Variants in RNGTT observed in about 807,000 individuals in gnomAD.
The protein encoded by RNGTT is RNA guanylyltransferase and 5'-phosphatase.
In RNGTT, 33 loss-of-function variants were observed where a neutral mutation model predicts 79.3. The observed-to-expected ratio is 0.42, with a 90% confidence interval of 0.32 to 0.56. The LOEUF is 0.56. Among genes scored for constraint, RNGTT ranks in the 20% least tolerant of loss-of-function variants. The pLI, the probability that RNGTT is intolerant of heterozygous loss-of-function variation, is 0.17. For missense variants in RNGTT, 497 were observed against 739.1 expected (o/e 0.67, Z 3.80); for synonymous variants, 222 against 235.9 (o/e 0.94, Z 0.54).
intron 8 of RNGTT, among the ~76,000 whole-genome samples, chr6:88,872,878 C>T (rs1782401562): frequency 6.6e-6 from 1 of 152,048 alleles, no homozygotes; most frequent in African/African-American, 2.4e-5. Flanking sequence ...AAGATCCAGA[C>T]CCAGAAACAT....
chr6:88,866,386 A>T (rs1782165297), intron 8 of RNGTT, among the ~76,000 whole-genome samples: 1 of 152,182 alleles, frequency 6.6e-6, no homozygotes, highest in South Asian at 2.1e-4. Context: ...CTAGATTCAC[A>T]GACAAGAGCA....
intron 13 of RNGTT, among the ~76,000 whole-genome samples, chr6:88,691,465 T>A (rs1434122403): frequency 6.6e-6 from 1 of 152,184 alleles, no homozygotes; most frequent in Non-Finnish European, 1.5e-5. Context: ...TATATTTATG[T>A]AAGGATCAAA....
At chr6:88,796,206 A>G (rs1198584562) in intron 12 of RNGTT, among the ~76,000 whole-genome samples, 2 of 152,220 alleles carry the variant, frequency 1.3e-5, no homozygotes, top group Non-Finnish European at 2.9e-5. Flanking sequence ...TATATTATTA[A>G]AATTAATTTT....
At chr6:88,672,579 T>C (rs1774696172) in intron 14 of RNGTT, among the ~76,000 whole-genome samples, 1 of 152,108 alleles carries the variant, frequency 6.6e-6, no homozygotes, top group Non-Finnish European at 1.5e-5. Flanking sequence ...GGGTGAGGGA[T>C]AAAAGACTAC....
At chr6:88,921,554 A>T (rs183788383) in intron 4 of RNGTT, among the ~76,000 whole-genome samples, 1 of 152,118 alleles carries the variant, frequency 6.6e-6, no homozygotes, top group African/African-American at 2.4e-5. Flanking sequence ...AGATGTTTTC[A>T]ATTTTTACCA....
rs144333047 is a variant in RNGTT, at chr6:88,787,096, T to C, written c.1338+14468A>G. The stretch of plus-strand genomic sequence containing the variant: ...ATAAGCCACTCGGTTTATGGTATTT[T>C]GTTACAGCACCCCAAACTGACTAAT... On this transcript the variant is annotated intron_variant, in intron 12 of 15. Transcript: ENST00000369485. 2.1e-3 allele frequency among the ~76,000 whole-genome samples: 313 copies of C among 152,354 alleles called. 2 individuals are homozygous for C. The highest frequency in any genetic ancestry group is 7.4e-3 in the African/African-American group (306 of 41,576).
intron 14 of RNGTT, among the ~76,000 whole-genome samples, chr6:88,645,392 T>C (rs6935250): frequency 0.14 from 21,324 of 152,058 alleles, 4,994 homozygotes; most frequent in African/African-American, 0.48. Flanking sequence ...TGCTCATGGG[T>C]AGGAAGAATC....
chr6:88,659,024 T>C (rs1435883804), intron 14 of RNGTT, among the ~76,000 whole-genome samples: 3 of 152,216 alleles, frequency 2.0e-5, no homozygotes, highest in Non-Finnish European at 2.9e-5. Flanking sequence ...GAGTCAATTC[T>C]CCTAATAAAC....
At chr6:88,866,751 G>A (rs1347845410) in intron 8 of RNGTT, among the ~76,000 whole-genome samples, 1 of 152,264 alleles carries the variant, frequency 6.6e-6, no homozygotes, top group East Asian at 1.9e-4. Flanking sequence ...ACATCTTAAA[G>A]ATTCAAATTG....
intron 8 of RNGTT, among the ~76,000 whole-genome samples, chr6:88,878,197 A>G (rs909527532): frequency 4.6e-5 from 7 of 151,716 alleles, no homozygotes; most frequent in Non-Finnish European, 1.0e-4. Flanking sequence ...CCGGGTCCAA[A>G]CGTTTCTCGT....
chr6:88,948,190 A>G (rs1582166474), intron 1 of RNGTT, among the ~76,000 whole-genome samples: 1 of 12,406 alleles, frequency 8.1e-5, no homozygotes, highest in Non-Finnish European at 1.5e-4. Flanking sequence ...GGGGGGGGTC[A>G]GCCCCCCCGC....
chr6:88,768,233 C>T (rs571032120), intron 13 of RNGTT, among the ~76,000 whole-genome samples: 15 of 151,872 alleles, frequency 9.9e-5, no homozygotes, highest in African/African-American at 3.6e-4. Flanking sequence ...CCTCAGCCTC[C>T]CAAGTAGCTG....
At chr6:88,664,896 C>A (rs977000880) in intron 14 of RNGTT, among the ~76,000 whole-genome samples, 8 of 152,062 alleles carry the variant, frequency 5.3e-5, no homozygotes, top group African/African-American at 1.9e-4. Flanking sequence ...ACCCCGGTCG[C>A]CCCCTTGTCT....
intron 11 of RNGTT, among the ~76,000 whole-genome samples, chr6:88,834,807 G>A (rs1781007797): frequency 6.6e-6 from 1 of 150,778 alleles, no homozygotes; most frequent in African/African-American, 2.5e-5. Context: ...AGAAAATAAA[G>A]AAAAGAAAAG....
intron 13 of RNGTT, among the ~76,000 whole-genome samples, chr6:88,696,426 A>C (rs1305772690): frequency 1.3e-5 from 2 of 152,166 alleles, no homozygotes; most frequent in African/African-American, 4.8e-5. Flanking sequence ...TCCCTACCTA[A>C]CTTGTTATCT....
intron 11 of RNGTT, among the ~76,000 whole-genome samples, chr6:88,820,457 G>A (rs1780461095): frequency 6.6e-6 from 1 of 152,064 alleles, no homozygotes; most frequent in African/African-American, 2.4e-5. Flanking sequence ...ACAAGTAAAA[G>A]GTATAAATAT....
At chr6:88,893,271 A>T (rs964895097) in intron 6 of RNGTT, among the ~76,000 whole-genome samples, 3 of 152,124 alleles carry the variant, frequency 2.0e-5, no homozygotes, top group Admixed American at 2.0e-4. Flanking sequence ...AGAGAGTTCA[A>T]TATTAAGCAT....
chr6:88,668,641 A>G (rs186130900), intron 14 of RNGTT, among the ~76,000 whole-genome samples: 25 of 152,324 alleles, frequency 1.6e-4, no homozygotes, highest in Non-Finnish European at 3.1e-4. Flanking sequence ...AGCCCAGGGA[A>G]TGACCAACCT....
At chr6:88,677,243 C>A in intron 14 of RNGTT, among the ~76,000 whole-genome samples, 1 of 140,346 alleles carries the variant, frequency 7.1e-6, no homozygotes, top group East Asian at 2.1e-4. Context: ...GCAAATTAAT[C>A]TATAATAACA....
Sources: allele counts gnomAD v4.1 joint callset (sites outside exome capture counted in the v4.1 genomes callset), GRCh38; gene constraint gnomAD v4.1.1; transcripts MANE v1.5; gene names NCBI Gene and HGNC (gene_info 2026-07-23, HGNC 2026-07-21).